The following MTMR8 variants were observed in gnomAD, a reference collection of about 807,000 sequenced individuals.
The protein encoded by MTMR8 is phosphatidylinositol-3,5-bisphosphate 3-phosphatase MTMR8.
Under a neutral mutation model 39.3 loss-of-function variants are expected in MTMR8, and 65 were observed. That is an observed-to-expected ratio of 1.65 (90% CI 1.35 to 2.03). The LOEUF is 2.03. MTMR8 is among the 30% of genes most tolerant of loss of function. MTMR8 has a pLI of 0.00. For synonymous variants in MTMR8, 245 were observed against 185.2 expected, an observed-to-expected ratio of 1.32 and a Z score of -2.62; for missense variants, 777 against 538.9, an observed-to-expected ratio of 1.44 and a Z score of -4.37.
chrX:64,331,906 C>A, intron 10 of MTMR8, 149 bp from the exon 11 acceptor site: 2 of 478,743 alleles, frequency 4.2e-6, no homozygotes, highest in South Asian at 6.9e-5. Flanking sequence ...AATCTCAAAG[C>A]TAGTCAATCC....
At chrX:64,352,423 A>C (rs1221296384) in intron 4 of MTMR8, among the ~76,000 whole-genome samples, 2 of 111,658 alleles carry the variant, frequency 1.8e-5, no homozygotes, top group East Asian at 5.7e-4. Context: ...TTTTCCTAGT[A>C]AATCACAAAA....
chrX:64,365,696 C>T (rs1432215501), intron 1 of MTMR8, among the ~76,000 whole-genome samples: 1 of 111,605 alleles, frequency 9.0e-6, no homozygotes, highest in African/African-American at 3.3e-5. Flanking sequence ...GAAGAAACTG[C>T]ATCAACTACC....
At chrX:64,356,096 C>T in intron 3 of MTMR8, 80 bp downstream of exon 3, 9 of 1,008,441 alleles carry the variant, frequency 8.9e-6, no homozygotes, top group Non-Finnish European at 9.5e-6. Flanking sequence ...CCTCCTCTGA[C>T]TCCATAGCCC....
rs1401936034 is a variant in MTMR8 at position 64,320,043 on chromosome X, A to G, written c.1481+8729T>C. On this transcript the variant is annotated intron_variant, in intron 12 of 13. Transcript: ENST00000374852. ...GATTCTTGCTATCCATGAGCATGGAATGTTCTTCCATTTGTTTGTATCCTC... is the reference window on the plus strand; with the variant it reads ...GATTCTTGCTATCCATGAGCATGGAGTGTTCTTCCATTTGTTTGTATCCTC... Among the ~76,000 whole-genome samples the G allele has an allele frequency of 2.7e-5, 3 of 111,356 alleles. No individual in the cohort carries two copies. The East Asian group carries it at 8.4e-4, about 31-fold the overall frequency.
At chrX:64,320,264 G>T (rs928441324) in intron 12 of MTMR8, among the ~76,000 whole-genome samples, 13 of 110,988 alleles carry the variant, frequency 1.2e-4, no homozygotes, top group African/African-American at 3.9e-4. Context: ...TGTATCCTGA[G>T]ACTTAAGAGA....
chrX:64,291,878 A>T (rs777650783), intron 12 of MTMR8, among the ~76,000 whole-genome samples: 16 of 111,596 alleles, frequency 1.4e-4, no homozygotes, highest in Non-Finnish European at 2.3e-4. Flanking sequence ...ATCAGAACTG[A>T]CTTTTGAGAG....
chrX:64,348,808 G>T lies in MTMR8; in HGVS notation c.598-14C>A. The T allele has an allele frequency of 8.3e-7, 1 of 1,209,106 alleles. No homozygotes were observed. Among genetic ancestry groups the T allele is most frequent in the South Asian group, 1.8e-5 (1 of 56,831 alleles). ...GCAAATGGCAGCCTGTAAGGAAAAG[G>T]TGTGTCAGTTGAGTGATTATATTCA... On this transcript the variant is annotated splice_polypyrimidine_tract_variant and intron_variant, in intron 5 of 13. Transcript: ENST00000374852.
intron 12 of MTMR8, among the ~76,000 whole-genome samples, chrX:64,272,125 C>G (rs1931773326): frequency 8.9e-6 from 1 of 111,733 alleles, no homozygotes; most frequent in Non-Finnish European, 1.9e-5. Context: ...AAGGCCAATC[C>G]ATATGACTTG....
At chrX:64,348,848 T>A in intron 5 of MTMR8, 54 bp from the exon 6 acceptor site, 1 of 1,181,493 alleles carries the variant, frequency 8.5e-7, no homozygotes, top group Non-Finnish European at 1.1e-6. Context: ...TGGTCAAAAA[T>A]CTTTCTTGAC....
intron 1 of MTMR8, among the ~76,000 whole-genome samples, chrX:64,386,961 G>A (rs1924576294): frequency 9.0e-6 from 1 of 111,067 alleles, no homozygotes. Flanking sequence ...GCTGTGGTGG[G>A]AAGGATCGCT....
Position 64,277,199 on chromosome X carries a change from AT to A in MTMR8, c.1482-6127del, listed in dbSNP as rs767294007. On this transcript the variant is annotated intron_variant, in intron 12 of 13. Coordinates refer to ENST00000374852, the MANE Select transcript of MTMR8 (RefSeq NM_017677.4). ...CACCAATGGGTCTTGACTCTATCCA[AT>A]TTGCCAGTCTGTGTCTTTTAATTGG... Among the ~76,000 whole-genome samples, 10 of 111,599 alleles carry A rather than the reference AT, an allele frequency of 9.0e-5. No individual in the cohort carries two copies. The South Asian group carries it at 1.9e-3, about 21-fold the overall frequency.
At chrX:64,301,523 T>C (rs1034932062) in intron 12 of MTMR8, among the ~76,000 whole-genome samples, 2 of 110,679 alleles carry the variant, frequency 1.8e-5, no homozygotes, top group African/African-American at 6.6e-5. Flanking sequence ...TTGGTTTGAA[T>C]GTCCTCCCGT....
At position 64,301,764 on chromosome X, in the gene MTMR8, G is replaced by T. The variant is rs931873517; in HGVS notation, c.1481+27008C>A. On this transcript the variant is annotated intron_variant, in intron 12 of 13. Coordinates refer to ENST00000374852, the MANE Select transcript of MTMR8 (RefSeq NM_017677.4). ...GTACAGATGGGTTTTCGGTGTGGAT[G>T]TCCTTTCTGTTTGTTAGTTTTCCTT... Among the ~76,000 whole-genome samples the T allele has an allele frequency of 5.4e-5, 6 of 111,627 alleles. No homozygotes were observed. In the South Asian group the frequency reaches 1.1e-3, roughly 21 times the overall value.
Position 64,318,018 on chromosome X carries a change from A to G in MTMR8, c.1481+10754T>C, listed in dbSNP as rs764637818. On this transcript the variant is annotated intron_variant, in intron 12 of 13. Transcript: ENST00000374852. ...CCCATGTGACCTCCAATGACAACAC[A>G]GGGCATGGACACATTAATGCTAGGT... Among the ~76,000 whole-genome samples the G allele has an allele frequency of 1.1e-3, 122 of 112,427 alleles. No individual in the cohort carries two copies. In the South Asian group the frequency reaches 0.015, roughly 13 times the overall value.
At chrX:64,321,433 A>G (rs1045596329) in intron 12 of MTMR8, among the ~76,000 whole-genome samples, 5 of 112,363 alleles carry the variant, frequency 4.4e-5, no homozygotes, top group Non-Finnish European at 7.5e-5. Context: ...AAGTACAATA[A>G]TTGAAATGAA....
intron 12 of MTMR8, among the ~76,000 whole-genome samples, chrX:64,325,646 A>G (rs1301627298): frequency 2.7e-5 from 3 of 112,458 alleles, no homozygotes; most frequent in Non-Finnish European, 5.6e-5. Context: ...CTCACTACAA[A>G]TAAAAGCCAC....
In MTMR8 at chrX:64,299,364, C is replaced by T. The variant is rs1344508226; in HGVS notation, c.1482-28291G>A. On this transcript the variant is annotated intron_variant, in intron 12 of 13. Coordinates refer to ENST00000374852, the MANE Select transcript of MTMR8 (RefSeq NM_017677.4). Reference sequence around the variant, plus strand: ...TCTTCTAGATTTTCTAGTTTATTTGCGTAGAGGTGTTTGTAGTATTCTCTG... The same window carrying T: ...TCTTCTAGATTTTCTAGTTTATTTGTGTAGAGGTGTTTGTAGTATTCTCTG... Among the ~76,000 whole-genome samples, 44 of 101,986 alleles carry T rather than the reference C, an allele frequency of 4.3e-4. No individual in the cohort carries two copies. In the South Asian group the frequency reaches 0.013, roughly 31 times the overall value. 88.6% of individuals were successfully genotyped at this position (101,986 alleles called of 115,157 possible). A position where few individuals can be genotyped will look rare whatever the true frequency, so the allele number is the denominator to read the frequency against.
intron 12 of MTMR8, among the ~76,000 whole-genome samples, chrX:64,271,356 A>T (rs1299998450): frequency 8.9e-6 from 1 of 111,982 alleles, no homozygotes; most frequent in African/African-American, 3.2e-5. Flanking sequence ...ATAGACTCAC[A>T]TGTAGTTTTA....
At chrX:64,374,282 C>T (rs923222451) in intron 1 of MTMR8, among the ~76,000 whole-genome samples, 3 of 111,801 alleles carry the variant, frequency 2.7e-5, no homozygotes, top group African/African-American at 9.8e-5. Context: ...TGGGAGACAC[C>T]TAGAACTGAA....
Sources: allele counts gnomAD v4.1 joint callset (sites outside exome capture counted in the v4.1 genomes callset), GRCh38; gene constraint gnomAD v4.1.1; transcripts MANE v1.5; gene names NCBI Gene and HGNC (gene_info 2026-07-23, HGNC 2026-07-21).